The following GALNTL6 variants were observed in gnomAD, a reference collection of about 807,000 sequenced individuals.
GALNTL6 encodes the protein polypeptide N-acetylgalactosaminyltransferase-like 6.
Under a neutral mutation model 73.7 loss-of-function variants are expected in GALNTL6, and 46 were observed. The observed-to-expected ratio is 0.62, with a 90% CI of 0.49 to 0.80. The LOEUF (loss-of-function observed/expected upper bound fraction) is 0.80, where lower values mean the gene tolerates loss of function less well. GALNTL6 is among the 30% of genes least tolerant of loss of function. The pLI is 0.00. For synonymous variants in GALNTL6, 259 were observed against 263.7 expected (o/e 0.98, Z 0.17); for missense variants, 604 against 755.0 (o/e 0.80, Z 2.34).
chr4:172,554,018 C>G (rs570335790), intron 5 of GALNTL6, among the ~76,000 whole-genome samples: 4 of 152,042 alleles, frequency 2.6e-5, no homozygotes, highest in African/African-American at 4.8e-5. Flanking sequence ...ACAAGTGAAC[C>G]TGTCTCAAAA....
At chr4:172,955,528 A>C (rs951291408) in intron 10 of GALNTL6, among the ~76,000 whole-genome samples, 5 of 151,380 alleles carry the variant, frequency 3.3e-5, no homozygotes, top group South Asian at 2.1e-4. Context: ...AATCTCTGAC[A>C]AAAAAAAAGA....
intron 5 of GALNTL6, among the ~76,000 whole-genome samples, chr4:172,348,914 C>G (rs1741846570): frequency 6.6e-6 from 1 of 152,204 alleles, no homozygotes; most frequent in Admixed American, 6.5e-5. Flanking sequence ...GCATTACAAT[C>G]TCTGTTGCAA....
rs147538784 is a variant in GALNTL6 at position 173,009,039 on chromosome 4, T to C, written c.1372-139T>C. 6.0e-4 allele frequency: 393 copies of C among 650,160 alleles called. 3 individuals are homozygous for C. The highest frequency in any genetic ancestry group is 5.0e-3 in the Middle Eastern group (19 of 3,796). The allele number at this position is 650,160 out of a possible 1,614,324, so 40.3% of individuals were successfully genotyped here. A position where few individuals can be genotyped will look rare whatever the true frequency, so the allele number is the denominator to read the frequency against. ...CCTTGATTTTTCTCCATAAATTGCA[T>C]ACAAATTCAAGGTCTCATTCAATAT... On this transcript the variant is annotated intron_variant, in intron 10 of 12. Coordinates refer to ENST00000506823, the MANE Select transcript of GALNTL6 (RefSeq NM_001034845.3).
At chr4:171,929,535 G>T (rs1738108430) in intron 2 of GALNTL6, among the ~76,000 whole-genome samples, 1 of 152,132 alleles carries the variant, frequency 6.6e-6, no homozygotes, top group Non-Finnish European at 1.5e-5. Context: ...TATTTTACCT[G>T]GAGTGACTGA....
At chr4:172,592,971 ATGAGCACCT>A (rs1345443836) in intron 5 of GALNTL6, among the ~76,000 whole-genome samples, 1 of 152,114 alleles carries the variant, frequency 6.6e-6, no homozygotes, top group Non-Finnish European at 1.5e-5. Context: ...GATTTGAAAT[ATGAGCACCT>A]TGAGTCTAAT....
At chr4:172,923,065 A>G (rs1432929006) in intron 8 of GALNTL6, among the ~76,000 whole-genome samples, 3 of 152,240 alleles carry the variant, frequency 2.0e-5, no homozygotes, top group South Asian at 2.1e-4. Flanking sequence ...TAAGAGACCC[A>G]GTAATCATCT....
At position 171,989,333 on chromosome 4, in the gene GALNTL6, A is replaced by G. The variant is rs928585874; in HGVS notation, c.138+174615A>G. On this transcript the variant is annotated intron_variant, in intron 2 of 12. Coordinates refer to ENST00000506823, the MANE Select transcript of GALNTL6 (RefSeq NM_001034845.3). Reference sequence around the variant, plus strand: ...GAGAAGATCTGGGAAGGAGTCAGTCAGAGAGCCTTGGGCCAGCATTCCAGG... The same window carrying G: ...GAGAAGATCTGGGAAGGAGTCAGTCGGAGAGCCTTGGGCCAGCATTCCAGG... 4.6e-5 allele frequency among the ~76,000 whole-genome samples: 7 copies of G among 152,326 alleles called. No homozygotes were observed. In the East Asian group the frequency reaches 1.2e-3, roughly 25 times the overall value.
chr4:172,696,092 G>C (rs541120729), intron 5 of GALNTL6, among the ~76,000 whole-genome samples: 1 of 152,294 alleles, frequency 6.6e-6, no homozygotes, highest in Admixed American at 6.5e-5. Context: ...ATGATAATGT[G>C]TGGGATTCAA....
intron 5 of GALNTL6, among the ~76,000 whole-genome samples, chr4:172,767,391 C>T (rs1467659901): frequency 6.6e-6 from 1 of 152,132 alleles, no homozygotes. Flanking sequence ...AAAATCCATG[C>T]CCACAACATT....
chr4:172,298,181 TG>T (rs1269827869), intron 3 of GALNTL6, among the ~76,000 whole-genome samples: 1 of 152,210 alleles, frequency 6.6e-6, no homozygotes, highest in Non-Finnish European at 1.5e-5. Context: ...TAAGAATGCT[TG>T]TGATTTTTGC....
chr4:172,460,435 C>T (rs1732570024), intron 5 of GALNTL6, among the ~76,000 whole-genome samples: 1 of 152,124 alleles, frequency 6.6e-6, no homozygotes, highest in Non-Finnish European at 1.5e-5. Flanking sequence ...GAATAGACAA[C>T]CTACAGAATG....
intron 7 of GALNTL6, among the ~76,000 whole-genome samples, chr4:172,875,736 C>CACAT (rs1745161862): frequency 8.4e-6 from 1 of 118,356 alleles, no homozygotes; most frequent in Non-Finnish European, 2.0e-5. Context: ...TACATAAACA[C>CACAT]ACACACACAC....
At chr4:172,392,801 C>T (rs539168703) in intron 5 of GALNTL6, among the ~76,000 whole-genome samples, 2 of 152,282 alleles carry the variant, frequency 1.3e-5, no homozygotes, top group East Asian at 3.9e-4. Context: ...AGCAAGTTCT[C>T]TCCACCTTTG....
chr4:172,878,540 G>A (rs970595279), intron 7 of GALNTL6, among the ~76,000 whole-genome samples: 1 of 151,712 alleles, frequency 6.6e-6, no homozygotes, highest in African/African-American at 2.4e-5. Context: ...TATATGTGAA[G>A]TGACATAATA....
intron 5 of GALNTL6, among the ~76,000 whole-genome samples, chr4:172,561,011 T>C (rs1736332900): frequency 6.6e-6 from 1 of 151,530 alleles, no homozygotes; most frequent in African/African-American, 2.4e-5. Context: ...CCCAGCACTT[T>C]GGGAGGCCAA....
At position 172,596,823 on chromosome 4, in the gene GALNTL6, C is replaced by G. The variant is rs114791384; in HGVS notation, c.554-212538C>G. On this transcript the variant is annotated intron_variant, in intron 5 of 12. Coordinates refer to ENST00000506823, the MANE Select transcript of GALNTL6 (RefSeq NM_001034845.3). ...TACACACTATCAGTTTTGGGAAAAG[C>G]AAATGAATATATATAGGATATCATT... Among the ~76,000 whole-genome samples, 716 of 152,178 alleles carry G rather than the reference C, an allele frequency of 4.7e-3. 5 individuals are homozygous for G. Among genetic ancestry groups the G allele is most frequent in the Non-Finnish European group, 5.1e-3 (349 of 68,002 alleles).
chr4:172,058,714 T>C (rs1324549178), intron 2 of GALNTL6, among the ~76,000 whole-genome samples: 1 of 152,200 alleles, frequency 6.6e-6, no homozygotes, highest in African/African-American at 2.4e-5. Flanking sequence ...AAGTCATTCA[T>C]TTTTCCTCTA....
chr4:172,582,057 C>G (rs1334082158), intron 5 of GALNTL6, among the ~76,000 whole-genome samples: 2 of 152,118 alleles, frequency 1.3e-5, no homozygotes, highest in Non-Finnish European at 2.9e-5. Context: ...TAACATTTTT[C>G]TTAGAACTGG....
intron 5 of GALNTL6, among the ~76,000 whole-genome samples, chr4:172,386,205 A>G (rs1743464023): frequency 6.6e-6 from 1 of 152,172 alleles, no homozygotes; most frequent in African/African-American, 2.4e-5. Flanking sequence ...ATATTTACCT[A>G]TTGCCTTAGT....
Sources: allele counts gnomAD v4.1 joint callset (sites outside exome capture counted in the v4.1 genomes callset), GRCh38; gene constraint gnomAD v4.1.1; transcripts MANE v1.5; gene names NCBI Gene and HGNC (gene_info 2026-07-23, HGNC 2026-07-21).